Variants in STK4 observed in about 807,000 individuals in gnomAD.
STK4 encodes the protein serine/threonine kinase 4, also known as serine/threonine-protein kinase 4.
STK4 carries 30 observed loss-of-function variants against 64.9 expected under a neutral mutation model. The observed-to-expected ratio is 0.46, with a 90% CI of 0.35 to 0.63. STK4 has a LOEUF of 0.63. Ranked by LOEUF, STK4 falls within the 20% of genes least tolerant of loss-of-function variation. STK4 has a pLI of 0.01. For missense variants in STK4, 466 were observed against 598.5 expected (o/e 0.78, Z 2.31); for synonymous variants, 177 against 199.0 (o/e 0.89, Z 0.93).
chr20:45,068,307 C>T (rs184875992), intron 10 of STK4, among the ~76,000 whole-genome samples: 3 of 152,246 alleles, frequency 2.0e-5, no homozygotes, highest in Admixed American at 2.0e-4. Flanking sequence ...TCATGTTGCC[C>T]AGCAGTGTTC....
At chr20:45,017,889 C>G (rs1009752253) in intron 9 of STK4, among the ~76,000 whole-genome samples, 1 of 152,156 alleles carries the variant, frequency 6.6e-6, no homozygotes, top group African/African-American at 2.4e-5. Context: ...CATATAGAGG[C>G]AGTTACTGAA....
chr20:45,062,989 CTTTTTTTTTTTTTTTTTTTT>C (rs71197599), intron 10 of STK4, among the ~76,000 whole-genome samples: 1 of 31,452 alleles, frequency 3.2e-5, no homozygotes, highest in Admixed American at 4.0e-4. Flanking sequence ...CGCACCCGGC[CTTTTTTTTTTTTTTTTTTTT>C]TTTTTTTTTT....
intron 2 of STK4, 131 bp downstream of exon 2, chr20:44,972,289 C>T: frequency 1.3e-6 from 1 of 752,332 alleles, no homozygotes; most frequent in Non-Finnish European, 2.3e-6. Flanking sequence ...CTTGTGATGT[C>T]CTTCTTCGCT....
intron 5 of STK4, among the ~76,000 whole-genome samples, chr20:44,991,295 A>G (rs1480680347): frequency 6.6e-6 from 1 of 152,230 alleles, no homozygotes; most frequent in East Asian, 1.9e-4. Flanking sequence ...TCCCACCACT[A>G]TAAACATAAA....
intron 10 of STK4, among the ~76,000 whole-genome samples, chr20:45,026,242 A>G (rs1024906492): frequency 3.9e-5 from 6 of 152,056 alleles, no homozygotes; most frequent in Admixed American, 6.6e-5. Flanking sequence ...GCGAAGGAAA[A>G]TAAGTATTTA....
chr20:44,977,996 AT>A (rs925342779), intron 2 of STK4, among the ~76,000 whole-genome samples: 1 of 152,176 alleles, frequency 6.6e-6, no homozygotes, highest in Admixed American at 6.5e-5. Context: ...CCGGGTTCAA[AT>A]CCTGGACTGA....
intron 10 of STK4, among the ~76,000 whole-genome samples, chr20:45,043,033 G>A (rs2068638155): frequency 6.6e-6 from 1 of 151,924 alleles, no homozygotes; most frequent in Non-Finnish European, 1.5e-5. Context: ...AGGCCCCAGT[G>A]TGTGTTGTTC....
At chr20:45,011,521 T>G (rs1049435398) in intron 9 of STK4, among the ~76,000 whole-genome samples, 10 of 151,748 alleles carry the variant, frequency 6.6e-5, no homozygotes, top group Non-Finnish European at 1.0e-4. Flanking sequence ...TCACTTTTTC[T>G]CTCCCTTCCC....
chr20:45,007,525 T>C (rs373589085), intron 9 of STK4, among the ~76,000 whole-genome samples: 3,154 of 150,812 alleles, frequency 0.021, 112 homozygotes, highest in African/African-American at 0.069. Context: ...CCAGCCCGGG[T>C]GACAGAGCGA....
At chr20:44,992,654 G>A (rs772941616) in intron 5 of STK4, among the ~76,000 whole-genome samples, 2 of 151,938 alleles carry the variant, frequency 1.3e-5, no homozygotes, top group Non-Finnish European at 2.9e-5. Flanking sequence ...CTACAGGCAT[G>A]TGCCACCATG....
rs528301360 is a variant in STK4 at position 44,995,083 on chromosome 20, A to C, written c.526-7A>C. 2 of 1,572,978 alleles carry C rather than the reference A, an allele frequency of 1.3e-6. No individual in the cohort carries two copies. Among genetic ancestry groups the C allele is most frequent in the South Asian group, 1.2e-5 (1 of 85,322 alleles). On this transcript the variant is annotated splice_polypyrimidine_tract_variant and splice_region_variant and intron_variant, in intron 5 of 10. Transcript: ENST00000372806. ...TTAGTGTCAGTCTCTCTCCCTTTCTATTTTAGGATACCATGGCCAAGCGGA... is the reference window on the plus strand; with the variant it reads ...TTAGTGTCAGTCTCTCTCCCTTTCTCTTTTAGGATACCATGGCCAAGCGGA...
intron 5 of STK4, among the ~76,000 whole-genome samples, chr20:44,994,889 A>G (rs1450322144): frequency 6.6e-6 from 1 of 151,662 alleles, no homozygotes; most frequent in East Asian, 1.9e-4. Flanking sequence ...TTGTCATTTG[A>G]ATTTCTTCTA....
chr20:45,017,093 T>A (rs2068156071), intron 9 of STK4, among the ~76,000 whole-genome samples: 1 of 152,236 alleles, frequency 6.6e-6, no homozygotes, highest in Non-Finnish European at 1.5e-5. Context: ...ATAATGAATA[T>A]TTAATACCAA....
chr20:45,012,492 GTCTA>G (rs1264079582), intron 9 of STK4, among the ~76,000 whole-genome samples: 1 of 152,016 alleles, frequency 6.6e-6, no homozygotes, highest in Non-Finnish European at 1.5e-5. Context: ...AATCTGTTTG[GTCTA>G]TCTTTTATAT....
rs531339424 is a variant in STK4 at position 45,037,396 on chromosome 20, T to C, written c.1305+12266T>C. ...CTTTTTTGCTGGAAATATTTAGTAC[T>C]CTTTTAGATTTTTTCCTTGGTATAT... On this transcript the variant is annotated intron_variant, in intron 10 of 10. Transcript: ENST00000372806. Among the ~76,000 whole-genome samples the C allele has an allele frequency of 4.7e-4, 70 of 150,074 alleles. 1 individual carries two copies. The South Asian group carries it at 0.013, about 28-fold the overall frequency.
chr20:44,987,170 T>TCTCC lies in STK4; in HGVS notation c.401_402insCCCT (p.Lys135ProfsTer2). 6.2e-7 allele frequency: 1 copy of TCTCC among 1,607,300 alleles called. No individual in the cohort carries two copies. Among genetic ancestry groups the TCTCC allele is most frequent in the Non-Finnish European group, 8.5e-7 (1 of 1,176,754 alleles). ...AAATAGCTACAATATTACAATCAAC[T>TCTCC]CTTAAGGGACTTGAATACCTTCATT... On this transcript the variant is annotated frameshift_variant, in exon 5 of 11. Transcript: ENST00000372806. LOFTEE classifies it high-confidence loss of function.
chr20:44,997,635 C>T (rs1238909752), intron 7 of STK4, among the ~76,000 whole-genome samples: 2 of 152,060 alleles, frequency 1.3e-5, no homozygotes, highest in Non-Finnish European at 2.9e-5. Context: ...AGGTTGAGGC[C>T]GCAGTGAGGC....
At position 45,063,038 on chromosome 20, in the gene STK4, G is replaced by T. The variant is rs537742745; in HGVS notation, c.1306-11980G>T. 1.6e-3 allele frequency among the ~76,000 whole-genome samples: 166 copies of T among 101,148 alleles called. 1 individual carries two copies. The highest frequency in any genetic ancestry group is 6.0e-3 in the African/African-American group (145 of 24,360). 66.4% of individuals were successfully genotyped at this position (101,148 alleles called of 152,430 possible). On this transcript the variant is annotated intron_variant, in intron 10 of 10. Transcript: ENST00000372806. ...TTTTTTTGGACACAGGGTCTTGCCT[G>T]TGTCACTCAGGCTGGAGTGCGGTGG...
chr20:45,040,045 A>ATTT (rs34807441), intron 10 of STK4, among the ~76,000 whole-genome samples: 3 of 131,666 alleles, frequency 2.3e-5, no homozygotes, highest in African/African-American at 2.8e-5. Context: ...ATCAGGTTCG[A>ATTT]TTTTTTTTTT....
Sources: gnomAD v4.1 joint callset for allele counts (sites outside exome capture counted in the v4.1 genomes callset) on GRCh38, gnomAD v4.1.1 for gene constraint, MANE v1.5 for transcripts, NCBI Gene and HGNC (gene_info 2026-07-23, HGNC 2026-07-21) for gene names.